Variants in EPHA6 observed in about 807,000 individuals in gnomAD.
EPHA6 encodes ephrin type-A receptor 6.
In EPHA6, 50 loss-of-function variants were observed where a neutral mutation model predicts 112.0. The ratio of observed to expected loss-of-function variants is 0.45; its 90% CI spans 0.36 to 0.56. The LOEUF (loss-of-function observed/expected upper bound fraction) is 0.56, where lower values mean the gene tolerates loss of function less well. EPHA6 is among the 20% of genes least tolerant of loss of function. EPHA6 has a pLI of 0.00. For synonymous variants in EPHA6, 529 were observed against 490.7 expected (o/e 1.08, Z -1.03); for missense variants, 1,280 against 1,417.4 (o/e 0.90, Z 1.56).
At chr3:97,599,299 T>G (rs1306644280) in intron 12 of EPHA6, among the ~76,000 whole-genome samples, 1 of 150,996 alleles carries the variant, frequency 6.6e-6, no homozygotes, top group African/African-American at 2.4e-5. Flanking sequence ...TTTTGTCTTT[T>G]GTTGCCATTG....
chr3:97,667,677 T>C (rs934768612), intron 14 of EPHA6, among the ~76,000 whole-genome samples: 31 of 152,214 alleles, frequency 2.0e-4, no homozygotes, highest in African/African-American at 7.0e-4. Context: ...AAGTATACTT[T>C]GTAGAGAACA....
At chr3:97,536,421 T>C (rs758302121) in intron 11 of EPHA6, among the ~76,000 whole-genome samples, 18 of 152,194 alleles carry the variant, frequency 1.2e-4, no homozygotes, top group Non-Finnish European at 2.5e-4. Flanking sequence ...ATGCCAACTG[T>C]ATCTAAAATA....
chr3:97,471,480 G>T (rs2091226297), intron 7 of EPHA6, among the ~76,000 whole-genome samples: 1 of 151,620 alleles, frequency 6.6e-6, no homozygotes, highest in African/African-American at 2.4e-5. Context: ...AATATTAATT[G>T]AATGAACTAA....
chr3:97,264,812 T>G (rs1330734702), intron 5 of EPHA6, among the ~76,000 whole-genome samples: 1 of 152,132 alleles, frequency 6.6e-6, no homozygotes, highest in Non-Finnish European at 1.5e-5. Context: ...GGTGTCCCCA[T>G]AGCCAGGTGC....
In EPHA6 at chr3:97,050,664, C is replaced by T. The variant is rs985307900; in HGVS notation, c.1114+62671C>T. Among the ~76,000 whole-genome samples the T allele has an allele frequency of 3.9e-5, 6 of 152,072 alleles. No individual in the cohort carries two copies. The South Asian group carries it at 6.2e-4, about 16-fold the overall frequency. On this transcript the variant is annotated intron_variant, in intron 3 of 17. Coordinates refer to ENST00000389672, the MANE Select transcript of EPHA6 (RefSeq NM_001080448.3). Reference sequence around the variant, plus strand: ...ATGTTATTCTCCAATTCTAAAAATACGTGACTGGGAGACTTCTGTATCTTA... The same window carrying T: ...ATGTTATTCTCCAATTCTAAAAATATGTGACTGGGAGACTTCTGTATCTTA...
intron 3 of EPHA6, among the ~76,000 whole-genome samples, chr3:97,166,352 G>T (rs554352225): frequency 2.7e-5 from 4 of 150,712 alleles, no homozygotes; most frequent in African/African-American, 7.3e-5. Context: ...AAAGCTGAAA[G>T]TATGTACTTG....
intron 10 of EPHA6, among the ~76,000 whole-genome samples, chr3:97,494,874 T>A (rs528563541): frequency 6.6e-6 from 1 of 152,268 alleles, no homozygotes; most frequent in East Asian, 1.9e-4. Flanking sequence ...CAGCCTAAAT[T>A]GTCTAAATCT....
intron 5 of EPHA6, among the ~76,000 whole-genome samples, chr3:97,367,326 G>A (rs543664033): frequency 6.6e-6 from 1 of 152,218 alleles, no homozygotes; most frequent in East Asian, 1.9e-4. Flanking sequence ...CAGGTCACAT[G>A]CTCAACCCCG....
At chr3:97,444,654 T>C (rs2090264987) in intron 6 of EPHA6, among the ~76,000 whole-genome samples, 1 of 152,102 alleles carries the variant, frequency 6.6e-6, no homozygotes, top group African/African-American at 2.4e-5. Context: ...AGGAGAACTC[T>C]AACCTAGAAT....
chr3:97,430,145 GA>G, intron 6 of EPHA6, among the ~76,000 whole-genome samples: 1 of 152,176 alleles, frequency 6.6e-6, no homozygotes, highest in East Asian at 1.9e-4. Flanking sequence ...TCAAACTGAT[GA>G]AAAAATTGGC....
At chr3:97,556,349 A>G (rs1473262847) in intron 11 of EPHA6, among the ~76,000 whole-genome samples, 1 of 152,082 alleles carries the variant, frequency 6.6e-6, no homozygotes, top group Non-Finnish European at 1.5e-5. Flanking sequence ...TAATAAATAC[A>G]TACCTGAGAC....
intron 5 of EPHA6, among the ~76,000 whole-genome samples, chr3:97,246,262 GA>G (rs1414531267): frequency 2.0e-5 from 3 of 151,560 alleles, no homozygotes. Context: ...TAGCTACAGG[GA>G]AAAAAATTTA....
intron 11 of EPHA6, among the ~76,000 whole-genome samples, chr3:97,557,579 A>C (rs996084428): frequency 1.3e-5 from 2 of 151,918 alleles, no homozygotes; most frequent in Non-Finnish European, 2.9e-5. Flanking sequence ...ATTAATTCTG[A>C]CCAGCTTGCC....
At chr3:97,723,460 A>G (rs562201266) in intron 15 of EPHA6, among the ~76,000 whole-genome samples, 3 of 152,292 alleles carry the variant, frequency 2.0e-5, no homozygotes, top group Admixed American at 6.5e-5. Flanking sequence ...CAGAGGCTCT[A>G]TCTGGAACCT....
At chr3:97,452,170 C>T (rs1416770750) in intron 7 of EPHA6, among the ~76,000 whole-genome samples, 1 of 151,724 alleles carries the variant, frequency 6.6e-6, no homozygotes, top group Non-Finnish European at 1.5e-5. Context: ...ACTTAGAGAC[C>T]AGTGCTTGGT....
chr3:97,638,952 TG>T (rs1462691171), intron 14 of EPHA6, among the ~76,000 whole-genome samples: 1 of 152,164 alleles, frequency 6.6e-6, no homozygotes, highest in Non-Finnish European at 1.5e-5. Flanking sequence ...ACTTCATTAT[TG>T]AGTCCTTTTT....
intron 10 of EPHA6, among the ~76,000 whole-genome samples, chr3:97,506,935 C>T (rs770917389): frequency 6.6e-6 from 1 of 151,934 alleles, no homozygotes; most frequent in Non-Finnish European, 1.5e-5. Context: ...TGTAGTCATG[C>T]GAGTGGAAGT....
intron 3 of EPHA6, among the ~76,000 whole-genome samples, chr3:97,189,277 A>G (rs2108473776): frequency 6.6e-6 from 1 of 152,174 alleles, no homozygotes; most frequent in African/African-American, 2.4e-5. Context: ...ATATCAAGAA[A>G]GGTGTTCTTT....
intron 14 of EPHA6, among the ~76,000 whole-genome samples, chr3:97,662,010 G>A (rs1014889081): frequency 2.6e-5 from 4 of 152,092 alleles, no homozygotes; most frequent in African/African-American, 9.7e-5. Flanking sequence ...CAAAAGCATT[G>A]TTTATGTATG....
Sources: gnomAD v4.1 joint callset for allele counts (sites outside exome capture counted in the v4.1 genomes callset) on GRCh38, gnomAD v4.1.1 for gene constraint, MANE v1.5 for transcripts, NCBI Gene and HGNC (gene_info 2026-07-23, HGNC 2026-07-21) for gene names.